Variants in POLR2F observed in about 807,000 individuals in gnomAD.
The protein encoded by POLR2F is RNA polymerase II, I and III subunit F.
In POLR2F, 12 loss-of-function variants were observed where a neutral mutation model predicts 22.7. The observed-to-expected ratio is 0.53, with a 90% CI of 0.34 to 0.86. The LOEUF (loss-of-function observed/expected upper bound fraction) is 0.86. POLR2F is among the 40% of genes least tolerant of loss of function. The pLI, the probability that POLR2F is intolerant of heterozygous loss-of-function variation, is 0.02. For missense variants in POLR2F, 126 were observed against 171.5 expected (o/e 0.73, Z 1.48); for synonymous variants, 57 against 66.0 (o/e 0.86, Z 0.66).
At chr22:37,965,086 A>G (rs2145745826) in intron 3 of POLR2F, among the ~76,000 whole-genome samples, 1 of 152,248 alleles carries the variant, frequency 6.6e-6, no homozygotes, top group East Asian at 1.9e-4. Context: ...GGCTCACTGC[A>G]ACCTTCACCT....
Position 38,025,550 on chromosome 22 carries a change from C to T in POLR2F, c.121-319C>T, listed in dbSNP as rs6000977. ...ATCGTCCCCCTCGTTTGCCTGTCCA[C>T]GCCCTTCTCCCATCTCTCTCATTTC... On this transcript the variant is annotated intron_variant, in intron 1 of 2. Coordinates refer to the POLR2F transcript ENST00000333418. 1.3e-3 allele frequency: 1,859 copies of T among 1,468,244 alleles called. 30 individuals carry two copies. The African/African-American group carries it at 0.023, about 18-fold the overall frequency. The allele number at this position is 1,468,244 out of a possible 1,614,324, so 91.0% of individuals were successfully genotyped here. A position where few individuals can be genotyped will look rare whatever the true frequency, so the allele number is the denominator to read the frequency against.
chr22:38,026,295 A>G (rs757607068), exon 3 of POLR2F: 1 of 532,946 alleles, frequency 1.9e-6, no homozygotes, highest in Non-Finnish European at 3.8e-6. Flanking sequence ...TGCTTGACCC[A>G]AGCATGGACA....
At chr22:38,008,987 C>CT (rs2084848662) in intron 1 of POLR2F, among the ~76,000 whole-genome samples, 1 of 152,150 alleles carries the variant, frequency 6.6e-6, no homozygotes, top group African/African-American at 2.4e-5. Flanking sequence ...GCAGGCCCCT[C>CT]TGAGAAGGTG....
At position 37,977,317 on chromosome 22, in the gene POLR2F, CT is replaced by C. The variant is rs370748083; in HGVS notation, c.293+10158del. Among the ~76,000 whole-genome samples, 278 of 145,002 alleles carry C rather than the reference CT, an allele frequency of 1.9e-3. 1 individual carries two copies. Among genetic ancestry groups the C allele is most frequent in the Admixed American group, 2.8e-3 (41 of 14,534 alleles). ...TCTCACTCCATGACCTCCACAGAGTCTTTTTTTTTTTCTTTCTCTTTGAGAC... is the reference window on the plus strand; with the variant it reads ...TCTCACTCCATGACCTCCACAGAGTCTTTTTTTTTTCTTTCTCTTTGAGAC... On this transcript the variant is annotated intron_variant, in intron 4 of 4. Coordinates refer to the POLR2F transcript ENST00000405557.
In POLR2F at chr22:37,980,072, C is replaced by T. The variant is rs187744640; in HGVS notation, c.293+12902C>T. ...CCCCCCACCCCGGCCCTGAGCCCAGCCCTAGCCCCAGCTTTCTCAGAGGGT... is the reference window on the plus strand; with the variant it reads ...CCCCCCACCCCGGCCCTGAGCCCAGTCCTAGCCCCAGCTTTCTCAGAGGGT... On this transcript the variant is annotated intron_variant, in intron 4 of 4. Coordinates refer to the POLR2F transcript ENST00000405557. The surrounding 1 kb of genome is among the most constrained non-coding windows in gnomAD (Gnocchi z 4.1). 2.4e-3 allele frequency among the ~76,000 whole-genome samples: 367 copies of T among 152,310 alleles called. 1 individual carries two copies. Among genetic ancestry groups the T allele is most frequent in the African/African-American group, 8.5e-3 (353 of 41,564 alleles).
upstream of POLR2F, among the ~76,000 whole-genome samples, chr22:37,981,466 G>T (rs1046747405): frequency 6.6e-6 from 1 of 152,226 alleles, no homozygotes; most frequent in African/African-American, 2.4e-5. Context: ...CACAGCTTGA[G>T]TGATGGCCAA....
At chr22:37,982,087 A>G (rs1932417354), upstream of POLR2F, among the ~76,000 whole-genome samples, 1 of 152,300 alleles carries the variant, frequency 6.6e-6, no homozygotes, top group East Asian at 1.9e-4. Context: ...ACAAAGCCCT[A>G]ATTTTCTGGA....
At chr22:38,013,119 C>G (rs1042969753) in intron 1 of POLR2F, among the ~76,000 whole-genome samples, 3 of 57,088 alleles carry the variant, frequency 5.3e-5, no homozygotes, top group Admixed American at 3.4e-4. Context: ...CCTTCCTTCC[C>G]TTCCTTCCCT....
At chr22:37,972,133 G>C, downstream of POLR2F, 1 of 375,112 alleles carries the variant, frequency 2.7e-6, no homozygotes, top group Non-Finnish European at 5.1e-6. Flanking sequence ...GGAGGGGGGA[G>C]AGAGAGAGGA....
At chr22:37,999,561 T>A (rs1270295813) in intron 1 of POLR2F, among the ~76,000 whole-genome samples, 2 of 151,990 alleles carry the variant, frequency 1.3e-5, no homozygotes, top group African/African-American at 4.8e-5. Context: ...TCCCAGGTCA[T>A]CTGCACCTGG....
At chr22:37,972,380 G>C (rs1174290342), downstream of POLR2F, 5 of 472,650 alleles carry the variant, frequency 1.1e-5, no homozygotes, top group African/African-American at 2.0e-5. Flanking sequence ...GAGTGGCTAG[G>C]AGAGGGGACT....
At chr22:38,019,397 C>T (rs915109251) in intron 1 of POLR2F, among the ~76,000 whole-genome samples, 10 of 152,194 alleles carry the variant, frequency 6.6e-5, no homozygotes, top group African/African-American at 2.4e-4. Context: ...GCTGGAGACA[C>T]TCCAGGAGCA....
downstream of POLR2F, among the ~76,000 whole-genome samples, chr22:38,028,549 CATGT>C (rs1163060884): frequency 6.6e-6 from 1 of 151,654 alleles, no homozygotes; most frequent in African/African-American, 2.4e-5. Context: ...TACGTGTGTG[CATGT>C]ATGTGTGTGC....
At chr22:37,963,144 G>A (rs1004624871) in intron 3 of POLR2F, among the ~76,000 whole-genome samples, 2 of 151,792 alleles carry the variant, frequency 1.3e-5, no homozygotes, top group Non-Finnish European at 2.9e-5. Context: ...CCGCCACCAC[G>A]CCTGGCTAAT....
intron 1 of POLR2F, among the ~76,000 whole-genome samples, chr22:38,015,039 C>T (rs991476419): frequency 6.6e-6 from 1 of 151,998 alleles, no homozygotes; most frequent in African/African-American, 2.4e-5. Flanking sequence ...AACTCCTGAC[C>T]TTGAGATCCA....
At chr22:37,992,967 G>A (rs1177791820) in intron 1 of POLR2F, among the ~76,000 whole-genome samples, 1 of 152,182 alleles carries the variant, frequency 6.6e-6, no homozygotes. Flanking sequence ...AATAAAGAGG[G>A]GTGAGTGTGC....
At chr22:37,958,119 C>T (rs956429460) in intron 2 of POLR2F, among the ~76,000 whole-genome samples, 11 of 151,870 alleles carry the variant, frequency 7.2e-5, no homozygotes, top group Admixed American at 1.3e-4. Context: ...TCAAGTGATC[C>T]TTCCAGTTCA....
upstream of POLR2F, chr22:37,986,041 C>T (rs902806970): frequency 2.9e-6 from 4 of 1,403,310 alleles, no homozygotes; most frequent in African/African-American, 4.4e-5. This position sits in a 1 kb window ranked among gnomAD's most constrained non-coding sequence, Gnocchi z 4.7. Context: ...CTTCTCTTCC[C>T]TGTGCCCAGA....
rs1421662375 is a variant in POLR2F at position 38,031,912 on chromosome 22, G to A, written c.453-9156G>A. Among the ~76,000 whole-genome samples, 3 of 151,998 alleles carry A rather than the reference G, an allele frequency of 2.0e-5. No homozygotes were observed. The highest frequency in any genetic ancestry group is 3.9e-4 in the East Asian group (2 of 5,192). ...ACAATTTTTCCTTCCAAACACATCC[G>A]TAGTCCCCTCCCCAGCATTCTAGTC... is the stretch of plus-strand genomic sequence containing the variant. On this transcript the variant is annotated intron_variant, in intron 5 of 5. Coordinates refer to the POLR2F transcript ENST00000407936. This position sits in a 1 kb window ranked among gnomAD's most constrained non-coding sequence, Gnocchi z 4.1.
Sources: allele counts gnomAD v4.1 joint callset (sites outside exome capture counted in the v4.1 genomes callset), GRCh38; gene constraint gnomAD v4.1.1; non-coding constraint Gnocchi (gnomAD v3.1); transcripts MANE v1.5; gene names NCBI Gene and HGNC (gene_info 2026-07-23, HGNC 2026-07-21).